Variants in SEPTIN9 observed in about 807,000 individuals in gnomAD.
The protein encoded by SEPTIN9 is septin-9.
SEPTIN9 carries 13 observed loss-of-function variants against 56.6 expected under a neutral mutation model. The ratio of observed to expected loss-of-function variants is 0.23; its 90% confidence interval spans 0.15 to 0.37. The LOEUF (loss-of-function observed/expected upper bound fraction) is 0.37. Among genes scored for constraint, SEPTIN9 ranks in the 10% least tolerant of loss-of-function variants. The probability of loss-of-function intolerance (pLI) is 1.00; values close to 1 mark genes in which losing one functional copy is unlikely to be tolerated. For missense variants in SEPTIN9, 650 were observed against 823.1 expected, an observed-to-expected ratio of 0.79 and a Z score of 2.57; for synonymous variants, 332 against 334.1, an observed-to-expected ratio of 0.99 and a Z score of 0.07.
intron 10 of SEPTIN9, among the ~76,000 whole-genome samples, chr17:77,493,556 C>G (rs1167815174): frequency 6.6e-6 from 1 of 152,086 alleles, no homozygotes; most frequent in Non-Finnish European, 1.5e-5. Flanking sequence ...TAAAACAACA[C>G]AAACGTATTT....
intron 2 of SEPTIN9, among the ~76,000 whole-genome samples, chr17:77,366,093 T>C (rs902134281): frequency 2.0e-5 from 3 of 151,942 alleles, no homozygotes; most frequent in Non-Finnish European, 4.4e-5. Flanking sequence ...ACCCTGGGGG[T>C]GAGGAGGTAC....
At chr17:77,422,663 TCCATCCCCATGAAACCGGGC>T (rs146993052) in intron 3 of SEPTIN9, among the ~76,000 whole-genome samples, 8,598 of 152,058 alleles carry the variant, frequency 0.057, 652 homozygotes, top group East Asian at 0.21. Context: ...GGTGCAGGGG[TCCATCCCCATGAAACCGGGC>T]CCATCCCCAT....
At chr17:77,312,356 G>C (rs540491377) in intron 2 of SEPTIN9, among the ~76,000 whole-genome samples, 14 of 152,242 alleles carry the variant, frequency 9.2e-5, no homozygotes, top group African/African-American at 3.4e-4. Flanking sequence ...TCGTGCTGCC[G>C]CCCAGCCTGG....
At chr17:77,287,892 C>G in intron 1 of SEPTIN9, 1 of 1,035,888 alleles carries the variant, frequency 9.7e-7, no homozygotes, top group Non-Finnish European at 1.2e-6. Flanking sequence ...CTTCAAGTCA[C>G]TGGGCGGCCC....
chr17:77,490,623 G>T (rs116259901), intron 7 of SEPTIN9, 119 bp from the exon 8 acceptor site: 6 of 782,752 alleles, frequency 7.7e-6, no homozygotes, highest in African/African-American at 5.1e-5. Flanking sequence ...GTCCTTGCCA[G>T]CAGGGACCCC....
intron 4 of SEPTIN9, among the ~76,000 whole-genome samples, chr17:77,486,645 G>A (rs1036522019): frequency 2.0e-5 from 3 of 151,924 alleles, no homozygotes; most frequent in African/African-American, 4.8e-5. Flanking sequence ...TGCATGTGAA[G>A]TGTGTGTGTT....
rs1274777769 is a variant in SEPTIN9, at chr17:77,435,482, AC to A, written c.721+32781del. Among the ~76,000 whole-genome samples, 2 of 152,102 alleles carry A rather than the reference AC, an allele frequency of 1.3e-5. No individual in the cohort carries two copies. The highest frequency in any genetic ancestry group is 4.8e-5 in the African/African-American group (2 of 41,404). The stretch of plus-strand genomic sequence containing the variant: ...CTCAGGCAGGGGGAGAAGTAGAGCA[AC>A]CATGCCGGGCGGGTCGTCGTGCCCC... On this transcript the variant is annotated intron_variant, in intron 3 of 11. Coordinates refer to ENST00000427177, the MANE Select transcript of SEPTIN9 (RefSeq NM_001113491.2). This position sits in a 1 kb window ranked among gnomAD's most constrained non-coding sequence, Gnocchi z 4.5.
At chr17:77,288,041 G>A in intron 1 of SEPTIN9, 1 of 1,062,578 alleles carries the variant, frequency 9.4e-7, no homozygotes, top group Non-Finnish European at 1.1e-6. Flanking sequence ...CTGAGTGTGT[G>A]GGTCCCCAGA....
At chr17:77,380,932 C>T (rs1314210214) in intron 2 of SEPTIN9, among the ~76,000 whole-genome samples, 2 of 152,248 alleles carry the variant, frequency 1.3e-5, no homozygotes, top group Non-Finnish European at 2.9e-5. Context: ...CTCACCCCTT[C>T]TACAGTGCTG....
At chr17:77,497,473 C>T in intron 11 of SEPTIN9, 107 bp downstream of exon 11, 2 of 968,476 alleles carry the variant, frequency 2.1e-6, no homozygotes, top group Non-Finnish European at 1.6e-6. Flanking sequence ...AGAGTGGGTG[C>T]CCCCTGCCAC....
intron 1 of SEPTIN9, chr17:77,288,239 T>A (rs2143497244): frequency 9.7e-7 from 1 of 1,034,540 alleles, no homozygotes; most frequent in East Asian, 5.8e-5. Context: ...TTCCGGCTCC[T>A]CCCAGGCTGC....
intron 7 of SEPTIN9, among the ~76,000 whole-genome samples, chr17:77,489,124 G>A (rs2039921948): frequency 6.6e-6 from 1 of 152,232 alleles, no homozygotes; most frequent in African/African-American, 2.4e-5. Flanking sequence ...GCCCTGGGCT[G>A]TTCTGGAGCC....
chr17:77,335,456 G>A (rs2033514041), intron 2 of SEPTIN9, among the ~76,000 whole-genome samples: 1 of 149,712 alleles, frequency 6.7e-6, no homozygotes, highest in Non-Finnish European at 1.5e-5. Context: ...CTGTATATGT[G>A]GTCTTGTATT....
At chr17:77,353,464 A>G (rs1413928548) in intron 2 of SEPTIN9, among the ~76,000 whole-genome samples, 1 of 152,098 alleles carries the variant, frequency 6.6e-6, no homozygotes, top group East Asian at 1.9e-4. Context: ...GCTATTTCAC[A>G]AGGTAGTGAG....
intron 3 of SEPTIN9, chr17:77,454,267 G>T (rs2038097153): frequency 7.1e-6 from 7 of 985,540 alleles, no homozygotes; most frequent in Non-Finnish European, 8.4e-6. Context: ...CTTCCTGAGG[G>T]ACTTGTGGCC....
chr17:77,363,235 C>T (rs755180064), intron 2 of SEPTIN9, among the ~76,000 whole-genome samples: 4 of 152,102 alleles, frequency 2.6e-5, no homozygotes, highest in African/African-American at 9.7e-5. Context: ...CCTGCTAGAG[C>T]CAGGAGCTAG....
intron 3 of SEPTIN9, among the ~76,000 whole-genome samples, chr17:77,465,496 GA>G (rs1290007844): frequency 2.0e-5 from 3 of 152,176 alleles, no homozygotes; most frequent in African/African-American, 7.2e-5. Flanking sequence ...GCTGTGCTCT[GA>G]GGTTGTCTCG....
chr17:77,490,680 G>T (rs1213735296), intron 7 of SEPTIN9, 62 bp from the exon 8 acceptor site: 3 of 1,282,918 alleles, frequency 2.3e-6, no homozygotes, highest in South Asian at 2.5e-5. Context: ...CTGCTTGGGG[G>T]TGGGTGCCCC....
intron 1 of SEPTIN9, among the ~76,000 whole-genome samples, chr17:77,302,067 TTAAAG>T (rs1736255959): frequency 6.6e-6 from 1 of 152,204 alleles, no homozygotes; most frequent in Non-Finnish European, 1.5e-5. Context: ...ATTTCAATCA[TTAAAG>T]TAACAACAAT....
Sources: gnomAD v4.1 joint callset for allele counts (sites outside exome capture counted in the v4.1 genomes callset) on GRCh38, gnomAD v4.1.1 for gene constraint, Gnocchi (gnomAD v3.1) non-coding constraint, MANE v1.5 for transcripts, NCBI Gene and HGNC (gene_info 2026-07-23, HGNC 2026-07-21) for gene names.